EFCAB7: variants seen among roughly 807,000 people sequenced by gnomAD.
EFCAB7 encodes EF-hand calcium binding domain 7.
In EFCAB7, 66 loss-of-function variants were observed where a neutral mutation model predicts 77.1. The observed-to-expected ratio is 0.86, with a 90% CI of 0.70 to 1.05. The LOEUF is 1.05. Ranked by LOEUF, EFCAB7 falls within the 50% of genes least tolerant of loss-of-function variation. EFCAB7 has a pLI of 0.00. For missense variants in EFCAB7, 638 were observed against 730.5 expected (o/e 0.87, Z 1.46); for synonymous variants, 225 against 243.3 (o/e 0.92, Z 0.70).
intron 12 of EFCAB7, 197 bp downstream of exon 12, chr1:63,568,716 C>G: frequency 2.3e-6 from 1 of 438,842 alleles, no homozygotes; most frequent in Non-Finnish European, 4.0e-6. Context: ...TTAAAGGTTT[C>G]CAATTTTTTC....
intron 6 of EFCAB7, among the ~76,000 whole-genome samples, chr1:63,543,519 C>T (rs1267630690): frequency 6.6e-6 from 1 of 152,038 alleles, no homozygotes; most frequent in Non-Finnish European, 1.5e-5. Context: ...ACATGAAAAT[C>T]TAAGTAGGGC....
chr1:63,570,127 T>C (rs1021645350), intron 12 of EFCAB7: 2 of 152,208 alleles, frequency 1.3e-5, no homozygotes, highest in Non-Finnish European at 2.9e-5. Flanking sequence ...AACAGGAAAC[T>C]GAAGCACAGA....
chr1:63,581,380 C>CT, the EFCAB7 span, among the ~76,000 whole-genome samples: 1 of 83,690 alleles, frequency 1.2e-5, no homozygotes, highest in Non-Finnish European at 2.1e-5. Context: ...AATCCCGTCT[C>CT]TTAAAAAAAA....
intron 2 of EFCAB7, among the ~76,000 whole-genome samples, chr1:63,527,404 T>G (rs753115776): frequency 1.4e-4 from 21 of 148,826 alleles, no homozygotes; most frequent in Non-Finnish European, 3.1e-4. Flanking sequence ...AGCTGCTGCT[T>G]CTTGCTACAC....
the EFCAB7 span, among the ~76,000 whole-genome samples, chr1:63,579,136 A>G: frequency 6.6e-6 from 1 of 152,108 alleles, no homozygotes; most frequent in Admixed American, 6.5e-5. Flanking sequence ...ATAGATTCAT[A>G]TAACCACCAC....
chr1:63,554,092 G>A (rs981259474), intron 8 of EFCAB7, among the ~76,000 whole-genome samples: 2 of 152,186 alleles, frequency 1.3e-5, no homozygotes, highest in Middle Eastern at 6.8e-3. Context: ...CAAAGTGCTG[G>A]GATGATAGGT....
At chr1:63,544,553 C>T (rs1322051394) in intron 6 of EFCAB7, among the ~76,000 whole-genome samples, 1 of 152,082 alleles carries the variant, frequency 6.6e-6, no homozygotes, top group Non-Finnish European at 1.5e-5. Flanking sequence ...GCTGGGACTA[C>T]AGGCGCACGC....
chr1:63,555,059 A>G (rs1647015068), intron 8 of EFCAB7: 1 of 176,086 alleles, frequency 5.7e-6, no homozygotes, highest in Non-Finnish European at 1.2e-5. Flanking sequence ...CATCACAGAT[A>G]TTTTTGAAGA....
chr1:63,537,918 TAAAAC>T (rs1388913943), intron 6 of EFCAB7, among the ~76,000 whole-genome samples: 3 of 152,332 alleles, frequency 2.0e-5, no homozygotes, highest in South Asian at 2.1e-4. Flanking sequence ...ATTTGTATGT[TAAAAC>T]AAATCATTTT....
At chr1:63,575,125 T>C (rs1353607011), downstream of EFCAB7, among the ~76,000 whole-genome samples, 4 of 152,170 alleles carry the variant, frequency 2.6e-5, no homozygotes, top group Non-Finnish European at 5.9e-5. Context: ...CAGTTTTAAA[T>C]TATAGACTTA....
chr1:63,565,766 C>T (rs1647163754), intron 11 of EFCAB7, among the ~76,000 whole-genome samples: 2 of 152,068 alleles, frequency 1.3e-5, no homozygotes, highest in South Asian at 2.1e-4. Context: ...AAAAAAAGTT[C>T]GACATCACTG....
At chr1:63,542,852 A>G (rs56056902) in intron 6 of EFCAB7, among the ~76,000 whole-genome samples, 2,734 of 152,270 alleles carry the variant, frequency 0.018, 27 homozygotes, top group Non-Finnish European at 0.029. Flanking sequence ...TATGCTCTAT[A>G]TATTAATCCC....
intron 9 of EFCAB7, among the ~76,000 whole-genome samples, chr1:63,556,502 C>G (rs924202316): frequency 6.6e-6 from 1 of 151,992 alleles, no homozygotes; most frequent in Non-Finnish European, 1.5e-5. Flanking sequence ...CAATTTCTCC[C>G]TATTGGTAGA....
intron 7 of EFCAB7, chr1:63,550,061 G>C (rs1180490679): frequency 6.6e-6 from 1 of 152,300 alleles, no homozygotes; most frequent in African/African-American, 2.4e-5. Flanking sequence ...TATAGGGTTA[G>C]ATGTTGAGAA....
At position 63,541,507 on chromosome 1, in the gene EFCAB7, T is replaced by C. The variant is rs1045793078; in HGVS notation, c.805-4409T>C. Among the ~76,000 whole-genome samples, 8 of 152,148 alleles carry C rather than the reference T, an allele frequency of 5.3e-5. No individual in the cohort carries two copies. The East Asian group carries it at 1.4e-3, about 26-fold the overall frequency. On this transcript the variant is annotated intron_variant, in intron 6 of 13. Coordinates refer to ENST00000371088, the MANE Select transcript of EFCAB7 (RefSeq NM_032437.4). The stretch of plus-strand genomic sequence containing the variant: ...TAATATTGTGATAAGAAATTAGAAA[T>C]GACCTAAATGTCTAACATTTTAGAA...
intron 6 of EFCAB7, chr1:63,536,897 A>G (rs1223449629): frequency 1.3e-5 from 2 of 152,280 alleles, no homozygotes; most frequent in East Asian, 3.9e-4. Flanking sequence ...TTTTCCAGAT[A>G]CTTTAAATTT....
At chr1:63,535,213 A>G (rs1646749183) in intron 6 of EFCAB7, among the ~76,000 whole-genome samples, 1 of 152,104 alleles carries the variant, frequency 6.6e-6, no homozygotes, top group African/African-American at 2.4e-5. Flanking sequence ...ATGTTAAGTT[A>G]TAGTAAGACT....
At position 63,532,890 on chromosome 1, in the gene EFCAB7, C is replaced by A. The variant is rs1646716172; in HGVS notation, c.486+134C>A. 4.7e-6 allele frequency: 3 copies of A among 631,586 alleles called. No homozygotes were observed. The Admixed American group carries it at 1.1e-4, about 24-fold the overall frequency. 39.1% of individuals were successfully genotyped at this position (631,586 alleles called of 1,614,324 possible). A position where few individuals can be genotyped will look rare whatever the true frequency, so the allele number is the denominator to read the frequency against. ...TTTGATATATGTATACATTGTGAAA[C>A]AATTAAATCAGTTAACATGTCAACT... On this transcript the variant is annotated intron_variant, in intron 4 of 13. Transcript: ENST00000371088.
chr1:63,577,069 C>A (rs1166727494), downstream of EFCAB7, among the ~76,000 whole-genome samples: 1 of 151,686 alleles, frequency 6.6e-6, no homozygotes, highest in East Asian at 1.9e-4. Flanking sequence ...ATCGTTTGAA[C>A]CCAGGAGGCT....
Sources: allele counts gnomAD v4.1 joint callset (sites outside exome capture counted in the v4.1 genomes callset), GRCh38; gene constraint gnomAD v4.1.1; transcripts MANE v1.5; gene names NCBI Gene and HGNC (gene_info 2026-07-23, HGNC 2026-07-21).